The following PTCHD4 variants were observed in gnomAD, a reference collection of about 807,000 sequenced individuals.
PTCHD4 encodes patched domain-containing protein 4.
PTCHD4 carries 33 observed loss-of-function variants against 58.1 expected under a neutral mutation model. The observed-to-expected ratio is 0.57, with a 90% CI of 0.43 to 0.76. The LOEUF is 0.76. PTCHD4 is among the 30% of genes least tolerant of loss of function. PTCHD4 has a pLI of 0.00. For synonymous variants in PTCHD4, 478 were observed against 409.6 expected, an observed-to-expected ratio of 1.17 and a Z score of -2.02; for missense variants, 1,058 against 1,027.1, an observed-to-expected ratio of 1.03 and a Z score of -0.41.
chr6:47,882,826 A>T (rs1343109826), intron 4 of PTCHD4, among the ~76,000 whole-genome samples: 1 of 144,486 alleles, frequency 6.9e-6, no homozygotes, highest in Admixed American at 7.2e-5. Context: ...TTTGCTCTGG[A>T]ATTAAATGGT....
intron 4 of PTCHD4, among the ~76,000 whole-genome samples, chr6:47,895,425 C>A (rs1691375198): frequency 1.3e-5 from 2 of 152,204 alleles, no homozygotes; most frequent in African/African-American, 4.8e-5. Context: ...AAATAATGAG[C>A]TGATAAAAGC....
intron 3 of PTCHD4, among the ~76,000 whole-genome samples, chr6:48,064,852 A>G (rs1359304122): frequency 6.6e-6 from 1 of 152,136 alleles, no homozygotes; most frequent in Non-Finnish European, 1.5e-5. Flanking sequence ...AATGAAGGGA[A>G]TAATTTCAGA....
At chr6:47,997,939 A>G (rs1023272512) in intron 4 of PTCHD4, among the ~76,000 whole-genome samples, 1 of 152,196 alleles carries the variant, frequency 6.6e-6, no homozygotes, top group Non-Finnish European at 1.5e-5. Context: ...AGATAATTGA[A>G]TCTAGGAAGT....
chr6:47,991,233 T>G (rs538003648), intron 4 of PTCHD4, among the ~76,000 whole-genome samples: 2 of 152,184 alleles, frequency 1.3e-5, no homozygotes, highest in Admixed American at 6.5e-5. Context: ...AAGTCATATC[T>G]AGATATATCA....
chr6:48,070,806 A>T (rs990850505), intron 1 of PTCHD4, among the ~76,000 whole-genome samples: 5 of 152,174 alleles, frequency 3.3e-5, no homozygotes, highest in Non-Finnish European at 5.9e-5. Flanking sequence ...CTCACTTTAT[A>T]TAATGTATTC....
chr6:48,003,739 T>C lies in PTCHD4; in HGVS notation c.898+4895A>G, dbSNP rs140104327. The stretch of plus-strand genomic sequence containing the variant: ...GAAGGTTAATTCTCAGTGTCCTATA[T>C]GACCTGACCCAATACTACCTCTTAG... On this transcript the variant is annotated intron_variant, in intron 4 of 4. Transcript: ENST00000339488. Among the ~76,000 whole-genome samples, 427 of 152,328 alleles carry C rather than the reference T, an allele frequency of 2.8e-3. 2 individuals carry two copies. Among genetic ancestry groups the C allele is most frequent in the Non-Finnish European group, 4.5e-3 (305 of 68,018 alleles).
intron 3 of PTCHD4, among the ~76,000 whole-genome samples, chr6:48,018,730 A>G (rs894334346): frequency 6.6e-6 from 1 of 152,238 alleles, no homozygotes. Context: ...CAATATTACT[A>G]TTCTTACATG....
chr6:47,925,791 G>A (rs968001350), intron 4 of PTCHD4, among the ~76,000 whole-genome samples: 1 of 152,108 alleles, frequency 6.6e-6, no homozygotes, highest in Non-Finnish European at 1.5e-5. Context: ...TTCTGTTTCA[G>A]TCTCGGGGCA....
chr6:47,958,861 G>T (rs965725134), intron 4 of PTCHD4, among the ~76,000 whole-genome samples: 1 of 152,154 alleles, frequency 6.6e-6, no homozygotes, highest in Non-Finnish European at 1.5e-5. Flanking sequence ...GTACAGAAGG[G>T]TCTTCCATCA....
At chr6:47,935,056 T>A (rs986150869) in intron 4 of PTCHD4, among the ~76,000 whole-genome samples, 2 of 152,206 alleles carry the variant, frequency 1.3e-5, no homozygotes, top group African/African-American at 4.8e-5. Flanking sequence ...TGTTTTACAG[T>A]GAATATTATT....
chr6:47,942,934 G>A (rs1398642206), intron 4 of PTCHD4, among the ~76,000 whole-genome samples: 1 of 152,146 alleles, frequency 6.6e-6, no homozygotes, highest in Non-Finnish European at 1.5e-5. Flanking sequence ...GTTTATATCA[G>A]AAAATATTCT....
In PTCHD4 at chr6:48,008,598, G is replaced by A. The variant is rs370349912; in HGVS notation, c.898+36C>T. The A allele has an allele frequency of 1.6e-4, 253 of 1,592,602 alleles. No individual in the cohort carries two copies. The East Asian group carries it at 5.0e-3, about 32-fold the overall frequency. On this transcript the variant is annotated intron_variant, in intron 4 of 4. Transcript: ENST00000339488. ...GAAATATACTACCTTGCCCCAAACCGGTAAGAATCCGATTACCACAAGGAT... is the reference window on the plus strand; with the variant it reads ...GAAATATACTACCTTGCCCCAAACCAGTAAGAATCCGATTACCACAAGGAT...
At chr6:48,005,345 T>C (rs1041818444) in intron 4 of PTCHD4, among the ~76,000 whole-genome samples, 2 of 152,218 alleles carry the variant, frequency 1.3e-5, no homozygotes, top group African/African-American at 2.4e-5. Flanking sequence ...AAATATTCAC[T>C]ATCTCAAAGA....
intron 4 of PTCHD4, among the ~76,000 whole-genome samples, chr6:47,903,975 T>C (rs2114152511): frequency 6.6e-6 from 1 of 152,164 alleles, no homozygotes; most frequent in East Asian, 1.9e-4. Flanking sequence ...AGCATATTCC[T>C]GATAGAGAAA....
Position 48,008,994 on chromosome 6 carries a change from C to T in PTCHD4, c.538G>A (p.Gly180Ser). Residue 180 changes from glycine (G) to serine (S), a missense_variant, in exon 4 of 5, where the codon GGC becomes AGC. Physicochemically the swap from Gly to Ser is moderately conservative, Grantham distance 56. Transcript: ENST00000339488. ...IQITYYLQTY[G>S]SATQDLIGEK... Reference sequence around the variant, plus strand: ...CCTATGAGGTCTTGGGTGGCAGAGCCATAGGTCTGGAGGTAGTAGGTGATT... The same window carrying T: ...CCTATGAGGTCTTGGGTGGCAGAGCTATAGGTCTGGAGGTAGTAGGTGATT... 6.2e-7 allele frequency: 1 copy of T among 1,613,938 alleles called. No homozygotes were observed. The highest frequency in any genetic ancestry group is 8.5e-7 in the Non-Finnish European group (1 of 1,179,882).
At chr6:48,039,423 A>G (rs140227663) in intron 3 of PTCHD4, among the ~76,000 whole-genome samples, 2 of 152,256 alleles carry the variant, frequency 1.3e-5, no homozygotes, top group African/African-American at 4.8e-5. Context: ...CTAAAGTCAT[A>G]CTTCCTTGGT....
chr6:48,071,466 A>C (rs1374949884), intron 1 of PTCHD4, among the ~76,000 whole-genome samples: 3 of 152,174 alleles, frequency 2.0e-5, no homozygotes, highest in East Asian at 1.9e-4. Context: ...GATGCATTAG[A>C]ATGTTTCCGT....
intron 3 of PTCHD4, among the ~76,000 whole-genome samples, chr6:48,027,901 A>G (rs1176269813): frequency 6.6e-6 from 1 of 152,092 alleles, no homozygotes; most frequent in Non-Finnish European, 1.5e-5. Context: ...AGTAACGTAT[A>G]TAAAAAGCAG....
chr6:47,900,368 A>G (rs1288498341), intron 4 of PTCHD4: 1 of 152,178 alleles, frequency 6.6e-6, no homozygotes, highest in Non-Finnish European at 1.5e-5. Flanking sequence ...TTCTTTAATA[A>G]CTAATTATTT....
Sources: allele counts gnomAD v4.1 joint callset (sites outside exome capture counted in the v4.1 genomes callset), GRCh38; gene constraint gnomAD v4.1.1; transcripts MANE v1.5; gene names NCBI Gene and HGNC (gene_info 2026-07-23, HGNC 2026-07-21).